The following DAPK2 variants were observed in gnomAD, a reference collection of about 807,000 sequenced individuals.
The protein encoded by DAPK2 is death-associated protein kinase 2.
In DAPK2, 35 loss-of-function variants were observed where a neutral mutation model predicts 44.1. The ratio of observed to expected loss-of-function variants is 0.79; its 90% CI spans 0.61 to 1.05. DAPK2 has a LOEUF of 1.05. DAPK2 is among the 50% of genes least tolerant of loss of function. The probability of loss-of-function intolerance (pLI) is 0.00; values close to 1 mark genes in which losing one functional copy is unlikely to be tolerated. For missense variants in DAPK2, 453 were observed against 483.2 expected, an observed-to-expected ratio of 0.94 and a Z score of 0.59; for synonymous variants, 174 against 182.6, an observed-to-expected ratio of 0.95 and a Z score of 0.38.
At chr15:63,981,275 C>T (rs1476273230) in intron 2 of DAPK2, among the ~76,000 whole-genome samples, 1 of 152,118 alleles carries the variant, frequency 6.6e-6, no homozygotes, top group Non-Finnish European at 1.5e-5. Context: ...TTGGGGGACT[C>T]TGTAGAGAGT....
chr15:63,913,966 A>G (rs1165696005), intron 8 of DAPK2, among the ~76,000 whole-genome samples: 3 of 152,192 alleles, frequency 2.0e-5, no homozygotes, highest in African/African-American at 7.2e-5. Flanking sequence ...CTTCCTGTCT[A>G]TGTCAATGCC....
chr15:64,037,855 AGGCCCCT>A (rs1278530070), intron 1 of DAPK2, among the ~76,000 whole-genome samples: 1 of 152,128 alleles, frequency 6.6e-6, no homozygotes, highest in Non-Finnish European at 1.5e-5. Flanking sequence ...ACCACTCCAA[AGGCCCCT>A]GGCCCCTAGT....
At chr15:63,911,692 A>C (rs571148067) in intron 10 of DAPK2, 3 of 588,244 alleles carry the variant, frequency 5.1e-6, no homozygotes, top group South Asian at 2.0e-5. Context: ...ATGCTGCTGC[A>C]TCAGTGGTCC....
At chr15:64,016,513 G>T (rs1181166863) in intron 1 of DAPK2, among the ~76,000 whole-genome samples, 3 of 152,206 alleles carry the variant, frequency 2.0e-5, no homozygotes, top group African/African-American at 7.2e-5. Context: ...AATAGCATAG[G>T]CTGGGTGCAA....
At chr15:64,028,066 TTA>T (rs1436339260) in intron 1 of DAPK2, among the ~76,000 whole-genome samples, 1 of 43,050 alleles carries the variant, frequency 2.3e-5, no homozygotes. Context: ...ATCTATCTAT[TTA>T]TATTTTTTGA....
At chr15:63,925,729 A>G (rs1196814930) in intron 7 of DAPK2, among the ~76,000 whole-genome samples, 1 of 151,178 alleles carries the variant, frequency 6.6e-6, no homozygotes, top group Non-Finnish European at 1.5e-5. Flanking sequence ...CACATTATTT[A>G]CATTTCAACA....
At chr15:64,016,132 A>T (rs1210435262) in intron 1 of DAPK2, among the ~76,000 whole-genome samples, 2 of 152,218 alleles carry the variant, frequency 1.3e-5, no homozygotes, top group Non-Finnish European at 2.9e-5. Flanking sequence ...CAGCATGGCC[A>T]TAAGCAGGAA....
At position 64,020,423 on chromosome 15, in the gene DAPK2, G is replaced by A. The variant is rs898878551; in HGVS notation, c.92+19747C>T. ...TTCACAGGGGTCTTCCCCAAGAGTG[G>A]CATGTTCTCTTGCAGTAATGATTAA... On this transcript the variant is annotated intron_variant, in intron 1 of 10. Transcript: ENST00000261891. The surrounding 1 kb of genome is among the most constrained non-coding windows in gnomAD (Gnocchi z 4.5). Among the ~76,000 whole-genome samples the A allele has an allele frequency of 2.3e-4, 35 of 152,186 alleles. No homozygotes were observed. Among genetic ancestry groups the A allele is most frequent in the African/African-American group, 8.2e-4 (34 of 41,440 alleles).
chr15:64,026,917 T>C (rs1052244779), intron 1 of DAPK2, among the ~76,000 whole-genome samples: 4 of 152,202 alleles, frequency 2.6e-5, no homozygotes, highest in Non-Finnish European at 5.9e-5. Flanking sequence ...TTACCTACCT[T>C]GTGTTGCTAT....
rs969396614 is a variant in DAPK2, at chr15:63,942,556, AAAC to A, written c.454-3198_454-3196del. 2.2e-4 allele frequency among the ~76,000 whole-genome samples: 34 copies of A among 151,992 alleles called. No individual in the cohort carries two copies. The East Asian group carries it at 3.7e-3, about 17-fold the overall frequency. ...GACAAAGTGAGACTCCATCTCAAAA[AAAC>A]AACAACAAAAAAAACAAAAATAAAA... On this transcript the variant is annotated intron_variant, in intron 3 of 10. Coordinates refer to ENST00000261891, the Ensembl canonical transcript of DAPK2.
At chr15:63,952,776 T>C (rs1311658285) in intron 3 of DAPK2, among the ~76,000 whole-genome samples, 2 of 152,198 alleles carry the variant, frequency 1.3e-5, no homozygotes, top group African/African-American at 4.8e-5. Context: ...ATCCATCATC[T>C]CAAGCATTTA....
chr15:63,959,196 A>T (rs934306442), intron 3 of DAPK2, among the ~76,000 whole-genome samples: 2 of 152,168 alleles, frequency 1.3e-5, no homozygotes, highest in African/African-American at 4.8e-5. Context: ...ATTTTTGCAC[A>T]TTTATTTTGT....
intron 3 of DAPK2, among the ~76,000 whole-genome samples, chr15:63,948,715 G>A (rs986533113): frequency 1.3e-5 from 2 of 152,190 alleles, no homozygotes; most frequent in African/African-American, 4.8e-5. Context: ...ACGCAACCTA[G>A]AGGTCCGTGT....
upstream of DAPK2, among the ~76,000 whole-genome samples, chr15:64,041,767 C>T (rs543725514): frequency 2.0e-5 from 3 of 152,318 alleles, no homozygotes; most frequent in South Asian, 6.2e-4. Flanking sequence ...TAACTCTCAG[C>T]GGGTGTATAC....
chr15:63,933,593 T>A (rs1340053967), intron 4 of DAPK2, among the ~76,000 whole-genome samples: 1 of 126,668 alleles, frequency 7.9e-6, no homozygotes, highest in South Asian at 2.7e-4. Context: ...TCAGGACAGA[T>A]TGATTTTTTT....
chr15:63,940,061 A>T (rs2077266608), intron 3 of DAPK2, among the ~76,000 whole-genome samples: 1 of 152,174 alleles, frequency 6.6e-6, no homozygotes, highest in African/African-American at 2.4e-5. Context: ...AGCCCCTCAC[A>T]CACCCATGGG....
At chr15:63,954,529 A>G (rs183431819) in intron 3 of DAPK2, among the ~76,000 whole-genome samples, 1 of 152,222 alleles carries the variant, frequency 6.6e-6, no homozygotes, top group African/African-American at 2.4e-5. Context: ...ATACCAGTAC[A>G]ATGCTGTTTT....
At chr15:64,000,069 C>T (rs1355337119) in intron 1 of DAPK2, among the ~76,000 whole-genome samples, 2 of 152,028 alleles carry the variant, frequency 1.3e-5, no homozygotes, top group Non-Finnish European at 2.9e-5. Flanking sequence ...CGATCAATAA[C>T]GTTTTCAAAT....
intron 3 of DAPK2, among the ~76,000 whole-genome samples, chr15:63,947,830 T>C (rs138062330): frequency 6.6e-6 from 1 of 152,222 alleles, no homozygotes; most frequent in African/African-American, 2.4e-5. Flanking sequence ...TCCAGAAGCA[T>C]CATTTGGATA....
Sources: allele counts gnomAD v4.1 joint callset (sites outside exome capture counted in the v4.1 genomes callset), GRCh38; gene constraint gnomAD v4.1.1; non-coding constraint Gnocchi (gnomAD v3.1); transcripts MANE v1.5; gene names NCBI Gene and HGNC (gene_info 2026-07-23, HGNC 2026-07-21).